Variants in COX10 observed in about 807,000 individuals in gnomAD.
COX10 encodes cytochrome c oxidase assembly factor heme A:farnesyltransferase COX10.
A neutral mutation model predicts 37.3 loss-of-function variants in COX10; 27 were observed. That is an observed-to-expected ratio of 0.72 (90% CI 0.53 to 1.00). The LOEUF (loss-of-function observed/expected upper bound fraction) is 1.00. COX10 is among the 50% of genes least tolerant of loss of function. The pLI is 0.00. For missense variants in COX10, 475 were observed against 563.2 expected, an observed-to-expected ratio of 0.84 and a Z score of 1.59; for synonymous variants, 222 against 229.1, an observed-to-expected ratio of 0.97 and a Z score of 0.28.
intron 1 of COX10, among the ~76,000 whole-genome samples, chr17:14,071,850 A>G (rs372488842): frequency 1.5e-3 from 225 of 152,216 alleles, no homozygotes; most frequent in African/African-American, 5.3e-3. Flanking sequence ...TAGTGAGCCA[A>G]GATCGTGCCA....
At chr17:14,090,694 C>T (rs1480460398) in intron 3 of COX10, among the ~76,000 whole-genome samples, 4 of 152,168 alleles carry the variant, frequency 2.6e-5, no homozygotes, top group African/African-American at 9.7e-5. Flanking sequence ...GCCAGGTTAA[C>T]TCCTTTTTAT....
intron 2 of COX10, among the ~76,000 whole-genome samples, chr17:14,076,037 A>G (rs1915139752): frequency 6.8e-6 from 1 of 147,840 alleles, no homozygotes; most frequent in African/African-American, 2.5e-5. Context: ...ATTATGCCTT[A>G]CCACTGAGCC....
At chr17:14,189,267 A>G (rs895753673) in intron 5 of COX10, among the ~76,000 whole-genome samples, 43 of 152,024 alleles carry the variant, frequency 2.8e-4, no homozygotes, top group African/African-American at 8.0e-4. Context: ...TGAGACGTCT[A>G]TGGTATTGGT....
At chr17:14,089,767 T>C (rs1482634134) in intron 3 of COX10, among the ~76,000 whole-genome samples, 1 of 152,152 alleles carries the variant, frequency 6.6e-6, no homozygotes, top group African/African-American at 2.4e-5. Flanking sequence ...AATGCAAATG[T>C]GTAGCCATCA....
chr17:14,077,662 T>C (rs1443370209), intron 3 of COX10, among the ~76,000 whole-genome samples: 1 of 152,244 alleles, frequency 6.6e-6, no homozygotes, highest in African/African-American at 2.4e-5. Flanking sequence ...GCATTATTAT[T>C]ATCCCATCAT....
chr17:14,112,734 T>C (rs931426994), intron 4 of COX10, among the ~76,000 whole-genome samples: 7 of 152,076 alleles, frequency 4.6e-5, no homozygotes, highest in African/African-American at 1.7e-4. Flanking sequence ...ACTAAGTATG[T>C]GCATGTGATA....
chr17:14,107,694 C>G (rs907696685), intron 4 of COX10, among the ~76,000 whole-genome samples: 15 of 146,928 alleles, frequency 1.0e-4, no homozygotes, highest in Non-Finnish European at 1.1e-4. Context: ...CACACACACA[C>G]CACACACGAC....
chr17:14,114,283 C>G (rs758909950), intron 4 of COX10, among the ~76,000 whole-genome samples: 1 of 152,060 alleles, frequency 6.6e-6, no homozygotes, highest in Non-Finnish European at 1.5e-5. Context: ...TAAATAAACA[C>G]TTGAATTAGG....
chr17:14,162,945 T>C (rs374095813), intron 5 of COX10, among the ~76,000 whole-genome samples: 29 of 152,284 alleles, frequency 1.9e-4, no homozygotes, highest in African/African-American at 7.0e-4. Context: ...AACACTGAAA[T>C]CCGAAAACCT....
chr17:14,183,936 A>AT, intron 5 of COX10, among the ~76,000 whole-genome samples: 1 of 152,364 alleles, frequency 6.6e-6, no homozygotes, highest in Middle Eastern at 3.4e-3. Context: ...CATAGTGGCT[A>AT]TCTAGGCAAT....
chr17:14,075,016 G>A (rs1479174444), intron 2 of COX10, among the ~76,000 whole-genome samples: 3 of 152,140 alleles, frequency 2.0e-5, no homozygotes, highest in African/African-American at 7.2e-5. Flanking sequence ...TAATTGCCAG[G>A]AAGGCCATTT....
At chr17:14,167,213 T>C (rs939583154) in intron 5 of COX10, among the ~76,000 whole-genome samples, 1 of 152,154 alleles carries the variant, frequency 6.6e-6, no homozygotes, top group African/African-American at 2.4e-5. Flanking sequence ...ACCCTAAAGA[T>C]GTGACTGGAT....
intron 2 of COX10, among the ~76,000 whole-genome samples, chr17:14,076,533 G>A (rs752752666): frequency 2.6e-5 from 4 of 152,028 alleles, no homozygotes; most frequent in Non-Finnish European, 4.4e-5. Context: ...CATTACTGAG[G>A]CCTAAATTTT....
chr17:14,146,535 A>G (rs1295939817), intron 4 of COX10, among the ~76,000 whole-genome samples: 2 of 152,132 alleles, frequency 1.3e-5, no homozygotes, highest in Non-Finnish European at 2.9e-5. Flanking sequence ...ACCTCAAACT[A>G]GTACAAGAAA....
chr17:14,166,612 C>CTTTTT (rs71147845), intron 5 of COX10, among the ~76,000 whole-genome samples: 7 of 96,550 alleles, frequency 7.3e-5, no homozygotes, highest in Middle Eastern at 5.8e-3. Context: ...TCAATTCGAC[C>CTTTTT]TTTTTTTTTT....
intron 6 of COX10, among the ~76,000 whole-genome samples, chr17:14,193,328 TC>T (rs1450135000): frequency 6.6e-6 from 1 of 152,048 alleles, no homozygotes; most frequent in Admixed American, 6.6e-5. Flanking sequence ...AATAATCTTC[TC>T]CCCTCCTGGA....
intron 4 of COX10, among the ~76,000 whole-genome samples, chr17:14,135,208 G>A (rs1162470481): frequency 1.3e-5 from 2 of 151,578 alleles, no homozygotes; most frequent in African/African-American, 4.8e-5. Context: ...TTGTTCTAAT[G>A]AAATATTTTA....
At chr17:14,161,581 G>A (rs540704012) in intron 5 of COX10, among the ~76,000 whole-genome samples, 1 of 152,324 alleles carries the variant, frequency 6.6e-6, no homozygotes, top group African/African-American at 2.4e-5. Context: ...TCTGAGTGGA[G>A]TAGATAGGGA....
intron 4 of COX10, among the ~76,000 whole-genome samples, chr17:14,156,642 G>A (rs2142237284): frequency 6.6e-6 from 1 of 152,224 alleles, no homozygotes; most frequent in Non-Finnish European, 1.5e-5. Context: ...TGCCTCCTAC[G>A]CATTTGTTTG....
Sources: gnomAD v4.1 joint callset for allele counts (sites outside exome capture counted in the v4.1 genomes callset) on GRCh38, gnomAD v4.1.1 for gene constraint, MANE v1.5 for transcripts, NCBI Gene and HGNC (gene_info 2026-07-23, HGNC 2026-07-21) for gene names.